OPN5: variants seen among roughly 807,000 people sequenced by gnomAD.
The protein encoded by OPN5 is opsin 5.
A neutral mutation model predicts 41.7 loss-of-function variants in OPN5; 18 were observed. The ratio of observed to expected loss-of-function variants is 0.43; its 90% CI spans 0.30 to 0.64. The LOEUF (loss-of-function observed/expected upper bound fraction) is 0.64. Among genes scored for constraint, OPN5 ranks in the 30% least tolerant of loss-of-function variants. OPN5 has a pLI of 0.13. For synonymous variants in OPN5, 178 were observed against 164.3 expected, an observed-to-expected ratio of 1.08 and a Z score of -0.64; for missense variants, 318 against 434.5, an observed-to-expected ratio of 0.73 and a Z score of 2.38.
chr6:47,814,161 G>C (rs1419955184), intron 6 of OPN5, among the ~76,000 whole-genome samples: 1 of 151,686 alleles, frequency 6.6e-6, no homozygotes, highest in Non-Finnish European at 1.5e-5. Context: ...AAGTGAAGGA[G>C]GTTTTTTTTT....
intron 6 of OPN5, chr6:47,823,283 C>T (rs1324092692): frequency 6.6e-6 from 1 of 152,164 alleles, no homozygotes; most frequent in Non-Finnish European, 1.5e-5. Context: ...ATTAAGTTTT[C>T]AGGCATAGAA....
intron 4 of OPN5, among the ~76,000 whole-genome samples, chr6:47,799,126 T>C (rs886296092): frequency 6.6e-6 from 1 of 151,880 alleles, no homozygotes; most frequent in African/African-American, 2.4e-5. Context: ...TAATTAATTT[T>C]TAAAAATGAT....
At chr6:47,786,135 G>A (rs1182131420) in intron 1 of OPN5, among the ~76,000 whole-genome samples, 3 of 152,152 alleles carry the variant, frequency 2.0e-5, no homozygotes, top group Non-Finnish European at 4.4e-5. Flanking sequence ...AAGAGCTAAG[G>A]GTTTAACCCT....
intron 4 of OPN5, among the ~76,000 whole-genome samples, chr6:47,797,529 A>T (rs954963945): frequency 1.2e-4 from 18 of 152,216 alleles, no homozygotes; most frequent in Non-Finnish European, 1.8e-4. Flanking sequence ...TGTACCAGGT[A>T]CTATTTTAGA....
intron 1 of OPN5, among the ~76,000 whole-genome samples, chr6:47,783,425 C>T (rs1180354351): frequency 6.6e-6 from 1 of 151,988 alleles, no homozygotes; most frequent in African/African-American, 2.4e-5. Context: ...CCTCTCTCAT[C>T]TATTTATTAC....
chr6:47,818,641 A>G (rs1241533557), intron 6 of OPN5, among the ~76,000 whole-genome samples: 3 of 152,004 alleles, frequency 2.0e-5, no homozygotes, highest in African/African-American at 4.8e-5. Flanking sequence ...CTCCACAGAG[A>G]TGATATCTCT....
At chr6:47,786,715 CCT>C in intron 2 of OPN5, 81 bp downstream of exon 2, 1 of 1,207,950 alleles carries the variant, frequency 8.3e-7, no homozygotes, top group Non-Finnish European at 1.2e-6. Flanking sequence ...AACGTCACCC[CCT>C]GACATCTCTT....
chr6:47,789,042 G>A (rs1773284777), intron 2 of OPN5, among the ~76,000 whole-genome samples: 1 of 151,698 alleles, frequency 6.6e-6, no homozygotes, highest in African/African-American at 2.4e-5. Flanking sequence ...CTCTACTGAA[G>A]AAGGAAGCCT....
chr6:47,808,796 G>A (rs1479323824), intron 5 of OPN5, among the ~76,000 whole-genome samples: 1 of 152,134 alleles, frequency 6.6e-6, no homozygotes, highest in South Asian at 2.1e-4. Context: ...CACTAGCTAA[G>A]GGCATAAAAG....
chr6:47,782,110 C>T (rs1773107036), exon 1 of OPN5: 1 of 1,613,558 alleles, frequency 6.2e-7, no homozygotes, highest in Admixed American at 1.7e-5. Context: ...GAGCGCCTGC[C>T]CCATTACCTT....
exon 1 of OPN5, chr6:47,782,176 G>C: frequency 6.2e-7 from 1 of 1,613,408 alleles, no homozygotes; most frequent in African/African-American, 1.3e-5. Flanking sequence ...TTAGTGGCTG[G>C]CTTTTACCTA....
chr6:47,790,320 G>A (rs1384357139), intron 2 of OPN5, among the ~76,000 whole-genome samples: 1 of 152,160 alleles, frequency 6.6e-6, no homozygotes, highest in African/African-American at 2.4e-5. Flanking sequence ...ATTGACAGAA[G>A]GTGGAGCATG....
At chr6:47,810,511 A>G (rs963515665) in intron 5 of OPN5, among the ~76,000 whole-genome samples, 1 of 143,756 alleles carries the variant, frequency 7.0e-6, no homozygotes, top group Non-Finnish European at 1.5e-5. Context: ...ACAAACCAGA[A>G]CAAGTGAATT....
At chr6:47,789,772 G>T (rs1420313858) in intron 2 of OPN5, among the ~76,000 whole-genome samples, 2 of 152,292 alleles carry the variant, frequency 1.3e-5, no homozygotes, top group East Asian at 1.9e-4. Flanking sequence ...GAACACACCT[G>T]GGAGAGCTGG....
intron 6 of OPN5, among the ~76,000 whole-genome samples, chr6:47,815,684 C>T (rs1385457319): frequency 6.6e-6 from 1 of 152,092 alleles, no homozygotes; most frequent in East Asian, 1.9e-4. Context: ...ATAAGACCCA[C>T]AGGGAATTTG....
At chr6:47,818,318 T>C (rs374587939) in intron 6 of OPN5, among the ~76,000 whole-genome samples, 9 of 152,146 alleles carry the variant, frequency 5.9e-5, no homozygotes, top group African/African-American at 2.2e-4. Flanking sequence ...ATTCCATCCA[T>C]GTAGAAGCAA....
chr6:47,787,999 C>A (rs1773245049), intron 2 of OPN5, among the ~76,000 whole-genome samples: 1 of 152,232 alleles, frequency 6.6e-6, no homozygotes. Context: ...TTCTGAGTCA[C>A]TCTTTAGCAC....
intron 5 of OPN5, among the ~76,000 whole-genome samples, 160 bp from the exon 6 acceptor site, chr6:47,811,514 C>G (rs1774203073): frequency 6.6e-6 from 1 of 152,042 alleles, no homozygotes; most frequent in African/African-American, 2.4e-5. Context: ...TTGAATATTT[C>G]AAATTGAATT....
rs1044473473 is a variant in OPN5 at position 47,789,238 on chromosome 6, A to G, written c.251-2564A>G. ...CAGAAGTTTATTTGACTTCTTTCCC[A>G]CTGATTTAGGTATCTACCTAAATGT... On this transcript the variant is annotated intron_variant, in intron 2 of 6. Coordinates refer to ENST00000371211, the Ensembl canonical transcript of OPN5. Among the ~76,000 whole-genome samples, 17 of 151,974 alleles carry G rather than the reference A, an allele frequency of 1.1e-4. 1 individual carries two copies.
Sources: allele counts gnomAD v4.1 joint callset (sites outside exome capture counted in the v4.1 genomes callset), GRCh38; gene constraint gnomAD v4.1.1; transcripts MANE v1.5; gene names NCBI Gene and HGNC (gene_info 2026-07-23, HGNC 2026-07-21).